Variants in NSD1 observed in about 807,000 individuals in gnomAD.
The protein encoded by NSD1 is nuclear receptor binding SET domain protein 1, also known as histone-lysine N-methyltransferase, H3 lysine-36 specific.
A neutral mutation model predicts 242.7 loss-of-function variants in NSD1; 26 were observed. The observed-to-expected ratio is 0.11, with a 90% CI of 0.08 to 0.15. The LOEUF is 0.15. NSD1 is among the 10% of genes least tolerant of loss of function. The probability of loss-of-function intolerance (pLI) is 1.00; values close to 1 mark genes in which losing one functional copy is unlikely to be tolerated. For synonymous variants in NSD1, 1,106 were observed against 1,178.1 expected (o/e 0.94, Z 1.25); for missense variants, 2,495 against 3,272.8 (o/e 0.76, Z 5.80).
At chr5:177,170,269 G>A (rs1264379298) in intron 2 of NSD1, among the ~76,000 whole-genome samples, 1 of 152,054 alleles carries the variant, frequency 6.6e-6, no homozygotes, top group Non-Finnish European at 1.5e-5. Context: ...ACCGCGCCCA[G>A]CTGTGGTGTA....
rs189763135 is a variant in NSD1 at position 177,265,411 on chromosome 5, A to T, written c.5147-2151A>T. Reference sequence around the variant, plus strand: ...ATAAATGCAGCCATCTAAAAACATAAGTTATGAAAAACAGTCATGATGTGC... The same window carrying T: ...ATAAATGCAGCCATCTAAAAACATATGTTATGAAAAACAGTCATGATGTGC... On this transcript the variant is annotated intron_variant, in intron 14 of 22. Transcript: ENST00000439151. 80 of 603,726 alleles carry T rather than the reference A, an allele frequency of 1.3e-4. No individual in the cohort carries two copies. The African/African-American group carries it at 1.4e-3, about 10-fold the overall frequency. The allele number at this position is 603,726 out of a possible 1,614,324, so 37.4% of individuals were successfully genotyped here.
intron 2 of NSD1, among the ~76,000 whole-genome samples, chr5:177,153,188 T>C (rs1757863993): frequency 6.6e-6 from 1 of 151,028 alleles, no homozygotes; most frequent in Admixed American, 6.6e-5. Context: ...CATAGTAATG[T>C]CTGTGGAATT....
chr5:177,277,207 A>T (rs1332976209), intron 17 of NSD1, among the ~76,000 whole-genome samples: 1 of 151,830 alleles, frequency 6.6e-6, no homozygotes, highest in Non-Finnish European at 1.5e-5. Flanking sequence ...TCATGGGCAA[A>T]TGTGGTCTAC....
intron 5 of NSD1, among the ~76,000 whole-genome samples, chr5:177,226,673 T>G (rs913063074): frequency 6.6e-6 from 1 of 152,186 alleles, no homozygotes; most frequent in African/African-American, 2.4e-5. Flanking sequence ...ATTTGAAATT[T>G]CACTTCATAG....
At chr5:177,168,526 C>T (rs1000779904) in intron 2 of NSD1, among the ~76,000 whole-genome samples, 2 of 147,396 alleles carry the variant, frequency 1.4e-5, no homozygotes, top group African/African-American at 2.5e-5. Context: ...ATGGCGTGAT[C>T]TTGGCTCACT....
intron 2 of NSD1, among the ~76,000 whole-genome samples, chr5:177,153,105 G>C (rs540211521): frequency 3.0e-4 from 46 of 152,188 alleles, no homozygotes; most frequent in African/African-American, 9.9e-4. Flanking sequence ...TTAAACCACT[G>C]AAATTAGTTC....
chr5:177,296,466 G>A lies in NSD1; in HGVS notation c.*1007G>A, dbSNP rs1015041732. ...CGGGCAGTGGACATAGGGAATCTCT[G>A]GCAAGCTCTGAGCTAGACACACCAG... On this transcript the variant is annotated 3_prime_UTR_variant, in exon 23 of 23. Coordinates refer to ENST00000439151, the MANE Select transcript of NSD1 (RefSeq NM_022455.5). The A allele has an allele frequency of 8.6e-6, 2 of 233,128 alleles. No individual in the cohort carries two copies. The highest frequency in any genetic ancestry group is 1.7e-5 in the Non-Finnish European group (2 of 118,074). 14.4% of individuals were successfully genotyped at this position (233,128 alleles called of 1,614,324 possible).
At chr5:177,251,907 T>G (rs1755998861) in intron 12 of NSD1, 54 bp downstream of exon 12, 3 of 1,610,466 alleles carry the variant, frequency 1.9e-6, no homozygotes, top group Non-Finnish European at 2.5e-6. Flanking sequence ...TTTTAAGTTT[T>G]TCAGGAAAGA....
rs1760096765 is a variant in NSD1 at position 177,294,330 on chromosome 5, C to T, written c.6962C>T (p.Ala2321Val). The T allele has an allele frequency of 6.2e-7, 1 of 1,614,212 alleles. No individual in the cohort carries two copies. The highest frequency in any genetic ancestry group is 2.2e-5 in the East Asian group (1 of 44,892). Residue 2321 changes from alanine (A) to valine (V), a missense_variant, in exon 23 of 23, where the codon GCA becomes GTA. Physicochemically the swap from Ala to Val is moderately conservative, Grantham distance 64. Around this residue, in one of 19 missense-constraint regions of NSD1, gnomAD observed 475 missense variants for 563.7 expected, o/e 0.84. Transcript: ENST00000439151. ...CAGAGGCCACTGGACAGGCCACCAGCAGTGGCAGGACCAAGACCCCAGCTA... is the reference window on the plus strand; with the variant it reads ...CAGAGGCCACTGGACAGGCCACCAGTAGTGGCAGGACCAAGACCCCAGCTA... ...SSQRPLDRPP[A>V]VAGPRPQLSD... is the part of the protein sequence containing the mutation.
intron 2 of NSD1, among the ~76,000 whole-genome samples, chr5:177,158,998 TTATATATATA>T (rs10564918): frequency 0.15 from 18,381 of 122,496 alleles, 1,801 homozygotes; most frequent in East Asian, 0.52. Context: ...ATGAATGATT[TTATATATATA>T]TATATATATA....
chr5:177,244,852 T>C (rs1322708804), intron 9 of NSD1, among the ~76,000 whole-genome samples: 1 of 152,254 alleles, frequency 6.6e-6, no homozygotes, highest in East Asian at 1.9e-4. Flanking sequence ...TTATTTTAGC[T>C]ATGTGACAAT....
chr5:177,290,410 T>A (rs919813019), intron 21 of NSD1, among the ~76,000 whole-genome samples: 2 of 127,278 alleles, frequency 1.6e-5, no homozygotes, highest in African/African-American at 6.6e-5. Context: ...GTAAATAAAT[T>A]TTTTTTTTTT....
Position 177,294,255 on chromosome 5 carries a change from T to G in NSD1, c.6887T>G (p.Val2296Gly). The change falls in exon 23 of 23, where the codon GTC becomes GGC. Residue 2296 changes from valine (V) to glycine (G), a missense_variant. This residue lies in a region of NSD1 where 475 missense variants were observed against 563.7 expected (regional missense o/e 0.84). Coordinates refer to ENST00000439151, the MANE Select transcript of NSD1 (RefSeq NM_022455.5). ...TDSRPQPLDK[V>G]RDLAGSGTKS... The stretch of plus-strand genomic sequence containing the variant: ...TCCAGGCCCCAGCCTTTAGATAAGG[T>G]CAGAGACCTCGCTGGGTCAGGGACC... The G allele has an allele frequency of 6.2e-7, 1 of 1,613,434 alleles. No individual in the cohort carries two copies. The highest frequency in any genetic ancestry group is 1.3e-5 in the African/African-American group (1 of 75,012).
chr5:177,147,882 G>A (rs905009130), intron 2 of NSD1, among the ~76,000 whole-genome samples: 3 of 151,958 alleles, frequency 2.0e-5, no homozygotes, highest in Non-Finnish European at 1.5e-5. Flanking sequence ...GAGCCACTGC[G>A]CACGGCCCTA....
At chr5:177,154,646 G>A (rs1205077230) in intron 2 of NSD1, among the ~76,000 whole-genome samples, 1 of 152,010 alleles carries the variant, frequency 6.6e-6, no homozygotes, top group African/African-American at 2.4e-5. Context: ...ACATAATGGT[G>A]TATGTTGAAA....
Position 177,210,796 on chromosome 5 carries a change from T to C in NSD1, c.2397T>C (p.Val799=). Residue 799 remains valine (V), a synonymous_variant, in exon 5 of 23, where the codon GTT becomes GTC. Coordinates refer to ENST00000439151, the MANE Select transcript of NSD1 (RefSeq NM_022455.5). ...AGTGCAAACACAAAGAAAATCCAGT[T>C]ATGGCAGAACCCCCAGTTATAAATG... ...SIKCKHKENP[V]MAEPPVINEE... is the part of the protein sequence containing the mutation. The C allele has an allele frequency of 6.2e-7, 1 of 1,614,146 alleles. No individual in the cohort carries two copies. The highest frequency in any genetic ancestry group is 8.5e-7 in the Non-Finnish European group (1 of 1,180,014).
chr5:177,278,786 G>A (rs1007050876), intron 17 of NSD1, among the ~76,000 whole-genome samples: 1 of 152,194 alleles, frequency 6.6e-6, no homozygotes. Context: ...TGTGCGGTTT[G>A]TGTCTTAGAA....
intron 2 of NSD1, among the ~76,000 whole-genome samples, chr5:177,152,558 A>C (rs897135829): frequency 2.2e-5 from 3 of 133,446 alleles, no homozygotes; most frequent in Non-Finnish European, 4.6e-5. Context: ...GGTTCACGCC[A>C]TTCTCCTGCC....
In NSD1 at chr5:177,294,085, A is replaced by T. The variant is rs548929057; in HGVS notation, c.6717A>T (p.Gln2239His). The T allele has an allele frequency of 6.2e-7, 1 of 1,614,076 alleles. No individual in the cohort carries two copies. Among genetic ancestry groups the T allele is most frequent in the East Asian group, 2.2e-5 (1 of 44,872 alleles). The change falls in exon 23 of 23, where the codon CAA (glutamine) becomes CAT (histidine). Residue 2239 changes from glutamine (Q) to histidine (H), a missense_variant. Coordinates refer to ENST00000439151, the MANE Select transcript of NSD1 (RefSeq NM_022455.5). ...GGCCAAGCACTCACCTGGCAGAGCA[A>T]TCAACAGGAATGGCTGCTCAGGCAC... ...PPGPSTHLAE[Q>H]STGMAAQAPK...
Sources: allele counts gnomAD v4.1 joint callset (sites outside exome capture counted in the v4.1 genomes callset), GRCh38; gene constraint gnomAD v4.1.1; regional missense constraint gnomAD v4.1.1; transcripts MANE v1.5; gene names NCBI Gene and HGNC (gene_info 2026-07-23, HGNC 2026-07-21).